The following SMIM14 variants were observed in gnomAD, a reference collection of about 807,000 sequenced individuals.
SMIM14 encodes the protein chromosome 4 open reading frame 34.
Under a neutral mutation model 12.6 loss-of-function variants are expected in SMIM14, and 5 were observed. The observed-to-expected ratio is 0.40, with a 90% CI of 0.21 to 0.83. The LOEUF is 0.83. Ranked by LOEUF, SMIM14 falls within the 40% of genes least tolerant of loss-of-function variation. The pLI is 0.37. For missense variants in SMIM14, 86 were observed against 119.1 expected (o/e 0.72, Z 1.29); for synonymous variants, 30 against 40.1 (o/e 0.75, Z 0.95).
intron 4 of SMIM14, among the ~76,000 whole-genome samples, chr4:39,552,973 T>G (rs778203517): frequency 1.6e-4 from 24 of 152,152 alleles, no homozygotes; most frequent in Non-Finnish European, 2.9e-4. Context: ...ATTCCTAAGA[T>G]AGTGGAACTA....
chr4:39,632,021 T>C (rs1048077630), intron 1 of SMIM14, among the ~76,000 whole-genome samples: 3 of 152,136 alleles, frequency 2.0e-5, no homozygotes, highest in Non-Finnish European at 4.4e-5. Flanking sequence ...CAAATACATA[T>C]GTAAGCCCTA....
chr4:39,615,409 G>T (rs1013320142), intron 1 of SMIM14, among the ~76,000 whole-genome samples: 5 of 152,148 alleles, frequency 3.3e-5, no homozygotes, highest in Middle Eastern at 3.2e-3. Context: ...GGGATTTTTA[G>T]GGCAGTGAAA....
intron 2 of SMIM14, among the ~76,000 whole-genome samples, chr4:39,592,287 A>T (rs1349240975): frequency 1.3e-4 from 15 of 118,996 alleles, no homozygotes; most frequent in Admixed American, 1.1e-3. Flanking sequence ...TTTTTTTTTT[A>T]AGACAGGGTC....
intron 2 of SMIM14, among the ~76,000 whole-genome samples, chr4:39,578,163 T>C (rs1713299485): frequency 6.6e-6 from 1 of 152,186 alleles, no homozygotes; most frequent in South Asian, 2.1e-4. Flanking sequence ...TGTTTGTTTT[T>C]TAAGAAACAA....
intron 2 of SMIM14, among the ~76,000 whole-genome samples, chr4:39,588,556 T>C (rs1345903628): frequency 2.0e-5 from 3 of 152,268 alleles, no homozygotes; most frequent in South Asian, 4.1e-4. Flanking sequence ...AATTTCCTTA[T>C]TGACTAAAAT....
intron 2 of SMIM14, among the ~76,000 whole-genome samples, chr4:39,579,389 A>T (rs904442268): frequency 6.7e-6 from 1 of 149,564 alleles, no homozygotes; most frequent in African/African-American, 2.5e-5. Context: ...CAGTCTGGAC[A>T]ACACAGTGAG....
chr4:39,570,036 G>A (rs892881207), intron 3 of SMIM14, among the ~76,000 whole-genome samples: 3 of 152,126 alleles, frequency 2.0e-5, no homozygotes, highest in African/African-American at 7.2e-5. Flanking sequence ...ATTGTTCTTT[G>A]TTGAAGATGC....
chr4:39,619,860 T>TATATATA (rs1715404638), intron 1 of SMIM14, among the ~76,000 whole-genome samples: 1 of 111,100 alleles, frequency 9.0e-6, no homozygotes, highest in African/African-American at 3.8e-5. Context: ...TTATATATAT[T>TATATATA]TATATATATA....
At chr4:39,588,110 T>C (rs148610781) in intron 2 of SMIM14, 101 of 152,352 alleles carry the variant, frequency 6.6e-4, no homozygotes, top group African/African-American at 2.3e-3. Flanking sequence ...CTATGTCTTC[T>C]AGCTAAGAAC....
intron 2 of SMIM14, among the ~76,000 whole-genome samples, chr4:39,573,923 TAAAAA>T (rs763736675): frequency 5.3e-5 from 8 of 152,160 alleles, no homozygotes; most frequent in Non-Finnish European, 7.4e-5. Flanking sequence ...AAAAGAAAGT[TAAAAA>T]AGAAAAGTCC....
intron 2 of SMIM14, among the ~76,000 whole-genome samples, chr4:39,581,916 G>A (rs1713527594): frequency 6.7e-6 from 1 of 148,716 alleles, no homozygotes; most frequent in Admixed American, 6.8e-5. Flanking sequence ...TTGTTGCCCA[G>A]GCTGGAGTGC....
chr4:39,575,085 T>G (rs1397008282), intron 2 of SMIM14, among the ~76,000 whole-genome samples: 12 of 149,620 alleles, frequency 8.0e-5, no homozygotes, highest in South Asian at 2.1e-4. Flanking sequence ...AATAGTTTTT[T>G]TTTTTTTTTT....
At chr4:39,604,623 T>G (rs185158266) in intron 2 of SMIM14, among the ~76,000 whole-genome samples, 2 of 152,188 alleles carry the variant, frequency 1.3e-5, no homozygotes, top group East Asian at 3.9e-4. Context: ...AAACTTTTTT[T>G]TTTTTGAGAC....
intron 2 of SMIM14, among the ~76,000 whole-genome samples, chr4:39,582,780 CTTTAA>C (rs1428225038): frequency 1.3e-5 from 2 of 151,796 alleles, no homozygotes. Flanking sequence ...TGTGTTTCAC[CTTTAA>C]TTTTTTATTT....
chr4:39,576,679 TATATA>T (rs1289443361), intron 2 of SMIM14, among the ~76,000 whole-genome samples: 80 of 34,524 alleles, frequency 2.3e-3, no homozygotes, highest in African/African-American at 8.9e-3. Flanking sequence ...TATATATATA[TATATA>T]TTTTTTTTTT....
intron 1 of SMIM14, among the ~76,000 whole-genome samples, chr4:39,628,917 G>A (rs1715804783): frequency 1.3e-5 from 2 of 150,570 alleles, no homozygotes; most frequent in African/African-American, 2.4e-5. Flanking sequence ...ATGGTTAGTA[G>A]AGACGGAGTT....
chr4:39,635,299 GTAAGA>G (rs1553868183), intron 1 of SMIM14, among the ~76,000 whole-genome samples: 1 of 152,194 alleles, frequency 6.6e-6, no homozygotes, highest in Non-Finnish European at 1.5e-5. Flanking sequence ...AGGATACAAG[GTAAGA>G]TAAGAGAGGA....
rs572151607 is a variant in SMIM14, at chr4:39,633,590, C to T, written c.-36+5149G>A. Among the ~76,000 whole-genome samples the T allele has an allele frequency of 4.6e-5, 7 of 152,150 alleles. No homozygotes were observed. In the South Asian group the frequency reaches 1.5e-3, roughly 32 times the overall value. ...ATTCCATACCAACCTGAGCCTGTCTCTACAGAAAACAAACAAAAAAAAATT... is the reference window on the plus strand; with the variant it reads ...ATTCCATACCAACCTGAGCCTGTCTTTACAGAAAACAAACAAAAAAAAATT... On this transcript the variant is annotated intron_variant, in intron 1 of 4. Coordinates refer to ENST00000295958, the MANE Select transcript of SMIM14 (RefSeq NM_174921.3).
intron 2 of SMIM14, among the ~76,000 whole-genome samples, chr4:39,599,329 ATTT>A (rs144418791): frequency 6.6e-6 from 1 of 150,812 alleles, no homozygotes; most frequent in Non-Finnish European, 1.5e-5. Flanking sequence ...TGTAAATTTC[ATTT>A]TTTTTTACTC....
Sources: allele counts gnomAD v4.1 joint callset (sites outside exome capture counted in the v4.1 genomes callset), GRCh38; gene constraint gnomAD v4.1.1; transcripts MANE v1.5; gene names NCBI Gene and HGNC (gene_info 2026-07-23, HGNC 2026-07-21).